ROBO1: variants seen among roughly 807,000 people sequenced by gnomAD.
ROBO1 encodes roundabout guidance receptor 1.
Under a neutral mutation model 195.9 loss-of-function variants are expected in ROBO1, and 149 were observed. That is an observed-to-expected ratio of 0.76 (90% CI 0.67 to 0.87). ROBO1 has a LOEUF of 0.87. Among genes scored for constraint, ROBO1 ranks in the 40% least tolerant of loss-of-function variants. The pLI is 0.00. For missense variants in ROBO1, 1,933 were observed against 2,068.3 expected (o/e 0.93, Z 1.27); for synonymous variants, 816 against 733.2 (o/e 1.11, Z -1.82).
chr3:78,896,167 G>A (rs1217551480), intron 4 of ROBO1, among the ~76,000 whole-genome samples: 1 of 152,126 alleles, frequency 6.6e-6, no homozygotes, highest in African/African-American at 2.4e-5. Flanking sequence ...TAGGTATGGT[G>A]ATTGTACCAG....
At chr3:79,151,365 C>G (rs959607058) in intron 2 of ROBO1, among the ~76,000 whole-genome samples, 15 of 151,798 alleles carry the variant, frequency 9.9e-5, no homozygotes, top group African/African-American at 3.6e-4. Flanking sequence ...GTCCCAACCT[C>G]TCCTTTCTGC....
At chr3:78,895,860 A>T (rs188435515) in intron 4 of ROBO1, among the ~76,000 whole-genome samples, 21 of 152,358 alleles carry the variant, frequency 1.4e-4, no homozygotes, top group African/African-American at 4.8e-4. Flanking sequence ...TGGCAAGAGA[A>T]GTAAATTTTA....
intron 2 of ROBO1, among the ~76,000 whole-genome samples, chr3:79,158,168 T>C (rs550423195): frequency 6.6e-6 from 1 of 151,748 alleles, no homozygotes; most frequent in Non-Finnish European, 1.5e-5. Context: ...AGTTGAAAAA[T>C]GGAATCTCAC....
intron 1 of ROBO1, among the ~76,000 whole-genome samples, chr3:79,600,136 C>A (rs1472039760): frequency 6.6e-6 from 1 of 151,964 alleles, no homozygotes; most frequent in Non-Finnish European, 1.5e-5. Flanking sequence ...TTTCATCATT[C>A]TGATGAAAAT....
intron 4 of ROBO1, among the ~76,000 whole-genome samples, chr3:78,849,068 A>C (rs921701520): frequency 2.6e-5 from 4 of 152,038 alleles, no homozygotes; most frequent in Non-Finnish European, 5.9e-5. Context: ...ACATCATGGG[A>C]TTGAAGTTGA....
intron 2 of ROBO1, among the ~76,000 whole-genome samples, chr3:79,218,980 A>G (rs2082096043): frequency 6.6e-6 from 1 of 151,972 alleles, no homozygotes; most frequent in Non-Finnish European, 1.5e-5. Flanking sequence ...TAATCCATAA[A>G]CTATATTAAA....
chr3:79,468,671 G>A (rs1356597983), intron 2 of ROBO1, among the ~76,000 whole-genome samples: 14 of 152,016 alleles, frequency 9.2e-5, no homozygotes, highest in Admixed American at 9.2e-4. Context: ...AACATATACT[G>A]TATGAAGCAA....
chr3:78,929,525 T>C (rs1042812582), intron 4 of ROBO1, among the ~76,000 whole-genome samples: 1 of 148,618 alleles, frequency 6.7e-6, no homozygotes, highest in Non-Finnish European at 1.5e-5. Flanking sequence ...TATTTAGAGA[T>C]GGAGTCTCGC....
intron 3 of ROBO1, among the ~76,000 whole-genome samples, chr3:79,107,814 C>T (rs551052380): frequency 1.5e-4 from 22 of 151,618 alleles, no homozygotes; most frequent in African/African-American, 4.6e-4. Context: ...ACTGTTAGAG[C>T]TCATTTAAAT....
intron 2 of ROBO1, among the ~76,000 whole-genome samples, chr3:79,172,335 A>G (rs1220213191): frequency 2.0e-5 from 3 of 152,132 alleles, no homozygotes; most frequent in Non-Finnish European, 2.9e-5. Flanking sequence ...TACATTGAAA[A>G]ATATTTCCTT....
chr3:79,043,559 A>T (rs2078528952), intron 3 of ROBO1, among the ~76,000 whole-genome samples: 1 of 152,004 alleles, frequency 6.6e-6, no homozygotes, highest in Admixed American at 6.6e-5. Flanking sequence ...TTTTTTTTTA[A>T]AAAAACTCCT....
At chr3:79,041,217 A>G (rs1559614229) in intron 3 of ROBO1, among the ~76,000 whole-genome samples, 1 of 151,102 alleles carries the variant, frequency 6.6e-6, no homozygotes, top group African/African-American at 2.4e-5. Flanking sequence ...TTTATATAGC[A>G]CTCGTCATAC....
intron 27 of ROBO1, 74 bp downstream of exon 27, chr3:78,617,561 T>A: frequency 1.4e-6 from 2 of 1,431,616 alleles, no homozygotes; most frequent in Non-Finnish European, 9.4e-7. Context: ...CGTAAGATCA[T>A]AGGACAGAAT....
chr3:78,853,135 T>C (rs1447086038), intron 4 of ROBO1, among the ~76,000 whole-genome samples: 1 of 152,072 alleles, frequency 6.6e-6, no homozygotes, highest in East Asian at 1.9e-4. Flanking sequence ...GTCTGTAGCT[T>C]AGAAGACAGT....
intron 2 of ROBO1, among the ~76,000 whole-genome samples, chr3:79,290,061 T>C (rs1418951142): frequency 6.6e-6 from 1 of 152,094 alleles, no homozygotes; most frequent in Non-Finnish European, 1.5e-5. Context: ...TTTTTTGAGA[T>C]GGAGTCTCAC....
intron 4 of ROBO1, among the ~76,000 whole-genome samples, chr3:78,836,699 C>T (rs2032765312): frequency 6.6e-6 from 1 of 151,956 alleles, no homozygotes; most frequent in South Asian, 2.1e-4. Flanking sequence ...GTCAACTGAC[C>T]TGTATGATAA....
In ROBO1 at chr3:78,777,457, C is replaced by T. The variant is rs1032486115; in HGVS notation, c.500-30557G>A. Among the ~76,000 whole-genome samples, 20 of 152,198 alleles carry T rather than the reference C, an allele frequency of 1.3e-4. 1 individual carries two copies. Among genetic ancestry groups the T allele is most frequent in the Non-Finnish European group, 2.6e-4 (18 of 68,008 alleles). ...TATATACAACCAATGCCATCTGGTA[C>T]CCCATCATTTTTCTTATCACTATTG... On this transcript the variant is annotated intron_variant, in intron 4 of 30. Transcript: ENST00000464233.
chr3:78,822,574 T>C (rs1038477004), intron 4 of ROBO1, among the ~76,000 whole-genome samples: 4 of 152,222 alleles, frequency 2.6e-5, no homozygotes, highest in African/African-American at 7.2e-5. Context: ...AAGCAGATTA[T>C]AGATACTTTG....
chr3:79,066,845 C>G (rs918982844), intron 3 of ROBO1, among the ~76,000 whole-genome samples: 28 of 151,852 alleles, frequency 1.8e-4, no homozygotes, highest in African/African-American at 6.3e-4. Context: ...CAGCAGATAA[C>G]GATTATTTGG....
Sources: gnomAD v4.1 joint callset for allele counts (sites outside exome capture counted in the v4.1 genomes callset) on GRCh38, gnomAD v4.1.1 for gene constraint, MANE v1.5 for transcripts, NCBI Gene and HGNC (gene_info 2026-07-23, HGNC 2026-07-21) for gene names.